Variants in LCN12 observed in about 807,000 individuals in gnomAD.
LCN12 encodes epididymal-specific lipocalin-12.
In LCN12, 15 loss-of-function variants were observed where a neutral mutation model predicts 23.7. The observed-to-expected ratio is 0.63, with a 90% CI of 0.42 to 0.97. The LOEUF is 0.97. Ranked by LOEUF, LCN12 falls within the 50% of genes least tolerant of loss-of-function variation. LCN12 has a pLI of 0.00. For synonymous variants in LCN12, 116 were observed against 111.5 expected (o/e 1.04, Z -0.25); for missense variants, 219 against 249.6 (o/e 0.88, Z 0.83).
chr9:136,953,576 T>C, intron 2 of LCN12, 124 bp from the exon 3 acceptor site: 1 of 648,400 alleles, frequency 1.5e-6, no homozygotes, highest in Non-Finnish European at 2.7e-6. Context: ...TCTCCACTCA[T>C]GACGCTTGGC....
chr9:136,953,022 T>A lies in LCN12; in HGVS notation c.245T>A (p.Met82Lys). ...GGCCGCTTTGAGGTGTGGAATGCGA[T>A]GACTCGGTGAGTGGCTGTCCCTGCC... ...DDGRFEVWNA[M>K]TRGQHCDTWS... The change falls in exon 2 of 6, where the codon ATG (methionine) becomes AAG (lysine). Residue 82 changes from methionine (M) to lysine (K), a missense_variant. Physicochemically the swap from Met to Lys is moderately conservative, Grantham distance 95 (BLOSUM62 -1). Transcript: ENST00000371633. 1 of 1,613,896 alleles carries A rather than the reference T, an allele frequency of 6.2e-7. No homozygotes were observed. The highest frequency in any genetic ancestry group is 2.2e-5 in the East Asian group (1 of 44,884).
chr9:136,956,111 G>A (rs574712308), downstream of LCN12, among the ~76,000 whole-genome samples: 5 of 151,962 alleles, frequency 3.3e-5, no homozygotes, highest in East Asian at 1.9e-4. Flanking sequence ...GTATTCGGAC[G>A]CCCACCCCCA....
Position 136,952,339 on chromosome 9 carries a change from G to T in LCN12, c.12G>T (p.Leu4=), listed in dbSNP as rs370668052. Residue 4 remains leucine (L), a synonymous_variant, in exon 1 of 6, where the codon CTG becomes CTT. Transcript: ENST00000371633. ...CAGCAGCTGCCAGGATGAGGCTGCT[G>T]TGTGGCCTGTGGCTGTGGCTCTCCT... MRL[L]CGLWLWLSLL... is the part of the protein sequence containing the mutation. 1.6e-4 allele frequency: 252 copies of T among 1,610,826 alleles called. No homozygotes were observed. Among genetic ancestry groups the T allele is most frequent in the Admixed American group, 3.3e-4 (20 of 59,772 alleles).
upstream of LCN12, among the ~76,000 whole-genome samples, chr9:136,950,085 G>A (rs1851113007): frequency 6.6e-6 from 1 of 152,066 alleles, no homozygotes; most frequent in South Asian, 2.1e-4. Context: ...CCGTTCCAGC[G>A]CCGCCGGCCC....
chr9:136,954,624 G>T, intron 5 of LCN12: 1 of 918,978 alleles, frequency 1.1e-6, no homozygotes, highest in Non-Finnish European at 1.5e-6. Flanking sequence ...CCCACCCCAG[G>T]TCCCCTGTCC....
At position 136,955,352 on chromosome 9, in the gene LCN12, A is replaced by G; in HGVS notation, c.551-19A>G. 6.2e-7 allele frequency: 1 copy of G among 1,606,458 alleles called. No individual in the cohort carries two copies. Among genetic ancestry groups the G allele is most frequent in the South Asian group, 1.1e-5 (1 of 90,394 alleles). On this transcript the variant is annotated intron_variant, in intron 5 of 5. Coordinates refer to ENST00000371633, the MANE Select transcript of LCN12 (RefSeq NM_178536.4). ...TGCTCCCCCTTTGTCCTCCATCCCG[A>G]CTCCATCTCCCCCACCAGGCTGGTC...
At chr9:136,950,756 G>A (rs537483564), upstream of LCN12, among the ~76,000 whole-genome samples, 32 of 152,316 alleles carry the variant, frequency 2.1e-4, no homozygotes, top group South Asian at 6.2e-3. Context: ...TGAAACGCTA[G>A]CGTTGTGCTG....
rs750346180 is a variant in LCN12, at chr9:136,952,882, G to A, written c.115-10G>A. 6 of 657,162 alleles carry A rather than the reference G, an allele frequency of 9.1e-6. No individual in the cohort carries two copies. In the African/African-American group the frequency reaches 9.3e-5, roughly 10 times the overall value. 40.7% of individuals were successfully genotyped at this position (657,162 alleles called of 1,614,324 possible). ...CCCACCGCCGCCCCTGCCCACCACCGCCTCTGTAGTTCCAGGGGGAATGGT... is the reference window on the plus strand; with the variant it reads ...CCCACCGCCGCCCCTGCCCACCACCACCTCTGTAGTTCCAGGGGGAATGGT... On this transcript the variant is annotated splice_polypyrimidine_tract_variant and intron_variant, in intron 1 of 5. Transcript: ENST00000371633.
rs1001985879 is a variant in LCN12 at position 136,955,386 on chromosome 9, C to G, written c.566C>G (p.Ala189Gly). ...CCCCCACCAGGCTGGTCACCCCAGG[C>G]CAGCGTCTGTTGAAGGATGAAGCAG... ...FPDVTGWSPQ[A>G]SVC The change falls in exon 6 of 6, where the codon GCC (alanine) becomes GGC (glycine). Residue 189 changes from alanine (A) to glycine (G), a missense_variant. Coordinates refer to ENST00000371633, the MANE Select transcript of LCN12 (RefSeq NM_178536.4). 1.2e-6 allele frequency: 2 copies of G among 1,613,372 alleles called. No individual in the cohort carries two copies. Among genetic ancestry groups the G allele is most frequent in the Non-Finnish European group, 1.7e-6 (2 of 1,179,800 alleles).
At position 136,952,293 on chromosome 9, in the gene LCN12, TTC is replaced by T. The variant is rs749564171; in HGVS notation, c.-29_-28del. 3 of 1,506,444 alleles carry T rather than the reference TTC, an allele frequency of 2.0e-6. No homozygotes were observed. The highest frequency in any genetic ancestry group is 2.7e-6 in the Non-Finnish European group (3 of 1,093,152). 93.3% of individuals were successfully genotyped at this position (1,506,444 alleles called of 1,614,324 possible). A position where few individuals can be genotyped will look rare whatever the true frequency, so the allele number is the denominator to read the frequency against. On this transcript the variant is annotated 5_prime_UTR_variant, in exon 1 of 6. Coordinates refer to ENST00000371633, the MANE Select transcript of LCN12 (RefSeq NM_178536.4). The stretch of plus-strand genomic sequence containing the variant: ...GGGTCACCTGCCCATGGCCACTTCC[TTC>T]TCTCTGTCCCTGTGGGCCCAGCAGC...
At chr9:136,955,232 C>T in intron 5 of LCN12, 139 bp from the exon 6 acceptor site, 2 of 1,470,806 alleles carry the variant, frequency 1.4e-6, no homozygotes, top group Non-Finnish European at 1.8e-6. Flanking sequence ...TTCCCCTAGA[C>T]CCACTGCTGG....
intron 5 of LCN12, chr9:136,954,951 C>T (rs1851288411): frequency 2.4e-6 from 3 of 1,268,790 alleles, no homozygotes; most frequent in Non-Finnish European, 3.0e-6. Flanking sequence ...CGTGTACAGA[C>T]TGGCACATGC....
rs768953508 is a variant in LCN12, at chr9:136,955,377, C to T, written c.557C>T (p.Ser186Leu). 1 of 1,613,062 alleles carries T rather than the reference C, an allele frequency of 6.2e-7. No individual in the cohort carries two copies. ...ACTCCATCTCCCCCACCAGGCTGGT[C>T]ACCCCAGGCCAGCGTCTGTTGAAGG... is the stretch of plus-strand genomic sequence containing the variant. ...NIVFPDVTGW[S>L]PQASVC is the part of the protein sequence containing the mutation. The change falls in exon 6 of 6, where the codon TCA (serine) becomes TTA (leucine). Residue 186 changes from serine to leucine, a missense_variant. Ser to Leu is a moderately radical substitution (Grantham distance 145). Coordinates refer to ENST00000371633, the MANE Select transcript of LCN12 (RefSeq NM_178536.4).
Position 136,952,414 on chromosome 9 carries a change from C to T in LCN12, c.87C>T (p.Pro29=). ...CCCCAACCCCCCTGCCACTCCCGCC[C>T]CCGATGCAGAGCTTCCAAGGAAACC... is the stretch of plus-strand genomic sequence containing the variant. ...AQTPTPLPLP[P]PMQSFQGNQF... Residue 29 remains proline, a synonymous_variant, in exon 1 of 6, where the codon CCC becomes CCT. Transcript: ENST00000371633. 4 of 1,612,290 alleles carry T rather than the reference C, an allele frequency of 2.5e-6. No individual in the cohort carries two copies.
intron 5 of LCN12, chr9:136,954,463 C>A: frequency 1.5e-6 from 1 of 677,688 alleles, no homozygotes; most frequent in East Asian, 3.1e-5. Flanking sequence ...TCCTGGGCCA[C>A]CTCCTCCCAC....
chr9:136,950,956 G>T (rs888246193), upstream of LCN12, among the ~76,000 whole-genome samples: 4 of 141,662 alleles, frequency 2.8e-5, no homozygotes, highest in Admixed American at 2.8e-4. Context: ...AGCAGGGCTG[G>T]ATGAGGGGAG....
chr9:136,952,226 G>A, upstream of LCN12: 1 of 823,254 alleles, frequency 1.2e-6, no homozygotes, highest in Non-Finnish European at 2.0e-6. Context: ...ACCCCCTTGG[G>A]AGGGGCACCT....
Position 136,953,732 on chromosome 9 carries a change from T to G in LCN12, c.284T>G (p.Leu95Arg). 1 of 1,604,374 alleles carries G rather than the reference T, an allele frequency of 6.2e-7. No homozygotes were observed. The highest frequency in any genetic ancestry group is 8.5e-7 in the Non-Finnish European group (1 of 1,175,698). ...CACTGTGACACATGGTCTTATGTGC[T>G]GATACCGGCAGCCCAGCCTGGGCAG... is the stretch of plus-strand genomic sequence containing the variant. ...GQHCDTWSYV[L>R]IPAAQPGQFT... The change falls in exon 3 of 6, where the codon CTG (leucine) becomes CGG (arginine). Residue 95 changes from leucine (L) to arginine (R), a missense_variant. Transcript: ENST00000371633.
intron 5 of LCN12, chr9:136,954,790 G>A (rs1038869315): frequency 1.7e-5 from 22 of 1,289,884 alleles, no homozygotes; most frequent in South Asian, 4.9e-5. Context: ...AGACAGCCGC[G>A]GCCCCCAAGG....
Sources: gnomAD v4.1 joint callset for allele counts (sites outside exome capture counted in the v4.1 genomes callset) on GRCh38, gnomAD v4.1.1 for gene constraint, MANE v1.5 for transcripts, NCBI Gene and HGNC (gene_info 2026-07-23, HGNC 2026-07-21) for gene names.